RAPGEF6: variants seen among roughly 807,000 people sequenced by gnomAD.
RAPGEF6 encodes PDZ domain containing guanine nucleotide exchange factor (GEF) 2.
Under a neutral mutation model 171.4 loss-of-function variants are expected in RAPGEF6, and 56 were observed. The ratio of observed to expected loss-of-function variants is 0.33; its 90% CI spans 0.26 to 0.41. RAPGEF6 has a LOEUF of 0.41. Among genes scored for constraint, RAPGEF6 ranks in the 10% least tolerant of loss-of-function variants. The pLI is 1.00. For missense variants in RAPGEF6, 1,674 were observed against 1,921.4 expected, an observed-to-expected ratio of 0.87 and a Z score of 2.41; for synonymous variants, 692 against 650.1, an observed-to-expected ratio of 1.06 and a Z score of -0.98.
chr5:131,624,315 G>A (rs1339280467), intron 1 of RAPGEF6, among the ~76,000 whole-genome samples: 1 of 152,114 alleles, frequency 6.6e-6, no homozygotes, highest in Non-Finnish European at 1.5e-5. Flanking sequence ...CAGTGACACC[G>A]TTACCATACT....
chr5:131,588,938 T>A (rs1412034221), intron 4 of RAPGEF6, among the ~76,000 whole-genome samples: 1 of 151,826 alleles, frequency 6.6e-6, no homozygotes, highest in Non-Finnish European at 1.5e-5. Flanking sequence ...GGCATGGTGG[T>A]GCATGCCTGT....
chr5:131,430,785 G>A, intron 26 of RAPGEF6, 74 bp downstream of exon 26: 2 of 1,567,454 alleles, frequency 1.3e-6, no homozygotes, highest in Non-Finnish European at 1.7e-6. Context: ...ATAAAATCCA[G>A]GGCCAAGATA....
At chr5:131,570,041 CAAAAAAA>C (rs34729268) in intron 4 of RAPGEF6, among the ~76,000 whole-genome samples, 9 of 27,470 alleles carry the variant, frequency 3.3e-4, no homozygotes, top group South Asian at 1.9e-3. Flanking sequence ...GACTCTGTCT[CAAAAAAA>C]AAAAAAAAAA....
chr5:131,472,663 G>A lies in RAPGEF6; in HGVS notation c.2163C>T (p.Ile721=), dbSNP rs1157578612. ...HCRHSLAIMP[I]PGTLSSSSPD... ...GGCTGCTGGATGAGAGTGTTCCAGG[G>A]ATGGGCATTATAGCCAGACTATGCC... Residue 721 remains isoleucine, a synonymous_variant, in exon 17 of 28, where the codon ATC becomes ATT. Transcript: ENST00000509018. 2 of 1,613,490 alleles carry A rather than the reference G, an allele frequency of 1.2e-6. No homozygotes were observed. The highest frequency in any genetic ancestry group is 1.1e-5 in the South Asian group (1 of 91,066).
rs762866456 is a variant in RAPGEF6, at chr5:131,461,926, C to A, written c.2643G>T (p.Pro881=). 1 of 1,614,090 alleles carries A rather than the reference C, an allele frequency of 6.2e-7. No homozygotes were observed. The highest frequency in any genetic ancestry group is 8.5e-7 in the Non-Finnish European group (1 of 1,179,996). Residue 881 remains proline (P), a synonymous_variant, in exon 19 of 28, where the codon CCG becomes CCT. Coordinates refer to ENST00000509018, the MANE Select transcript of RAPGEF6 (RefSeq NM_016340.6). The part of the protein sequence containing the change: ...RDFDLFRNIE[P]TEYIDDLFKL... ...TAAAAAGGTCATCGATGTACTCAGT[C>A]GGTTCAATATTACGAAACAAATCAA... is the stretch of plus-strand genomic sequence containing the variant.
chr5:131,433,396 GTT>G, intron 25 of RAPGEF6, 32 bp downstream of exon 25: 1 of 1,579,478 alleles, frequency 6.3e-7, no homozygotes. Context: ...CTTGGCTTGG[GTT>G]TTGTGTTATG....
intron 4 of RAPGEF6, among the ~76,000 whole-genome samples, chr5:131,587,479 G>A (rs2149998309): frequency 6.6e-6 from 1 of 152,254 alleles, no homozygotes; most frequent in Middle Eastern, 3.4e-3. Flanking sequence ...CTTGATATGG[G>A]TAGTGATTAG....
chr5:131,490,573 A>G (rs1207296764), intron 14 of RAPGEF6, among the ~76,000 whole-genome samples: 1 of 152,212 alleles, frequency 6.6e-6, no homozygotes, highest in Non-Finnish European at 1.5e-5. Flanking sequence ...AGGTACCTAC[A>G]AAAGAAGCGC....
At chr5:131,449,805 A>C (rs1752943547) in intron 21 of RAPGEF6, among the ~76,000 whole-genome samples, 1 of 152,204 alleles carries the variant, frequency 6.6e-6, no homozygotes, top group Non-Finnish European at 1.5e-5. Flanking sequence ...TCAAAATCTA[A>C]AAAGGACTTA....
intron 6 of RAPGEF6, among the ~76,000 whole-genome samples, chr5:131,526,612 T>C (rs915181978): frequency 3.9e-5 from 6 of 152,170 alleles, no homozygotes; most frequent in African/African-American, 1.4e-4. Context: ...AAGTTCTTGG[T>C]TCCCTAAATC....
intron 17 of RAPGEF6, among the ~76,000 whole-genome samples, chr5:131,468,542 C>T (rs570437506): frequency 1.0e-5 from 1 of 96,914 alleles, no homozygotes; most frequent in Non-Finnish European, 2.2e-5. Flanking sequence ...CCTGAGATTA[C>T]ACTAAAAATG....
rs1320372193 is a variant in RAPGEF6, at chr5:131,448,466, A to AT, written c.3201-1764_3201-1763insA. Among the ~76,000 whole-genome samples, 12 of 152,316 alleles carry AT rather than the reference A, an allele frequency of 7.9e-5. No individual in the cohort carries two copies. The East Asian group carries it at 2.3e-3, about 29-fold the overall frequency. On this transcript the variant is annotated intron_variant, in intron 21 of 27. Coordinates refer to ENST00000509018, the MANE Select transcript of RAPGEF6 (RefSeq NM_016340.6). The stretch of plus-strand genomic sequence containing the variant: ...TACTGCAGTGATTTTCCTTAGTAGT[A>AT]GATAAAATAACAATATGTCCAACAA...
intron 4 of RAPGEF6, among the ~76,000 whole-genome samples, chr5:131,582,554 T>C (rs1405354839): frequency 6.6e-6 from 1 of 152,188 alleles, no homozygotes; most frequent in Non-Finnish European, 1.5e-5. Flanking sequence ...AGATTTTACA[T>C]ATGACCCCCA....
At position 131,429,221 on chromosome 5, in the gene RAPGEF6, C is replaced by G; in HGVS notation, c.4466-5G>C. 6.6e-7 allele frequency: 1 copy of G among 1,521,854 alleles called. No individual in the cohort carries two copies. Among genetic ancestry groups the G allele is most frequent in the Non-Finnish European group, 8.9e-7 (1 of 1,126,990 alleles). The allele number at this position is 1,521,854 out of a possible 1,614,324, so 94.3% of individuals were successfully genotyped here. On this transcript the variant is annotated splice_polypyrimidine_tract_variant and splice_region_variant and intron_variant, in intron 26 of 27. Coordinates refer to ENST00000509018, the MANE Select transcript of RAPGEF6 (RefSeq NM_016340.6). ...TGGGTGAGGTGACACAGTACACTGGCATGAAAAATAAGCAATGAAAATGTT... is the reference window on the plus strand; with the variant it reads ...TGGGTGAGGTGACACAGTACACTGGGATGAAAAATAAGCAATGAAAATGTT...
At position 131,603,288 on chromosome 5, in the gene RAPGEF6, G is replaced by A; in HGVS notation, c.180C>T (p.Gly60=). 1 of 1,581,380 alleles carries A rather than the reference G, an allele frequency of 6.3e-7. No homozygotes were observed. The highest frequency in any genetic ancestry group is 1.2e-5 in the South Asian group (1 of 82,658). The change falls in exon 3 of 28, where the codon GGC becomes GGT. Residue 60 remains glycine (G), a synonymous_variant. Transcript: ENST00000509018. ...ATACTTACCAAAAGAGAACCTGATT[G>A]CCACTGTATCTCTCATAGCGTGCTC... ...SARARYERYS[G]NQVLFCSETI...
rs77453015 is a variant in RAPGEF6, at chr5:131,553,562, T to C, written c.352-5372A>G. ...TGTTATAGGTTCACTGGAAAAGGTA[T>C]AGACAACACACACAGATTGATAATT... On this transcript the variant is annotated intron_variant, in intron 5 of 27. Transcript: ENST00000509018. 7.3e-3 allele frequency among the ~76,000 whole-genome samples: 1,118 copies of C among 152,188 alleles called. 9 individuals carry two copies. Among genetic ancestry groups the C allele is most frequent in the African/African-American group, 0.025 (1,035 of 41,508 alleles).
intron 4 of RAPGEF6, among the ~76,000 whole-genome samples, chr5:131,584,178 T>G (rs1763118515): frequency 6.6e-6 from 1 of 152,250 alleles, no homozygotes; most frequent in African/African-American, 2.4e-5. Flanking sequence ...TAAATCGTGC[T>G]GTTCAGTGTA....
chr5:131,510,052 A>C (rs1757619997), intron 8 of RAPGEF6, among the ~76,000 whole-genome samples: 1 of 152,172 alleles, frequency 6.6e-6, no homozygotes, highest in Non-Finnish European at 1.5e-5. Context: ...TTGAATAGCT[A>C]TCTTGGACAC....
At chr5:131,472,910 G>A in intron 16 of RAPGEF6, 166 bp from the exon 17 acceptor site, 1 of 581,252 alleles carries the variant, frequency 1.7e-6, no homozygotes, top group South Asian at 2.8e-5. Context: ...GATGAAAATG[G>A]CACTAAAATT....
Sources: gnomAD v4.1 joint callset for allele counts (sites outside exome capture counted in the v4.1 genomes callset) on GRCh38, gnomAD v4.1.1 for gene constraint, MANE v1.5 for transcripts, NCBI Gene and HGNC (gene_info 2026-07-23, HGNC 2026-07-21) for gene names.